Variants in HAVCR1 observed in about 807,000 individuals in gnomAD.
HAVCR1 encodes T cell immunoglobin domain and mucin domain protein 1.
In HAVCR1, 34 loss-of-function variants were observed where a neutral mutation model predicts 32.0. That is an observed-to-expected ratio of 1.06 (90% CI 0.81 to 1.42). The LOEUF (loss-of-function observed/expected upper bound fraction) is 1.42, where lower values mean the gene tolerates loss of function less well. Ranked by LOEUF, HAVCR1 falls within the 40% of genes most tolerant of loss-of-function variation. The pLI, the probability that HAVCR1 is intolerant of heterozygous loss-of-function variation, is 0.00. For synonymous variants in HAVCR1, 178 were observed against 170.3 expected (o/e 1.05, Z -0.35); for missense variants, 420 against 442.3 (o/e 0.95, Z 0.45).
At chr5:157,044,489 AAGGAAGGAAGGAAGGAAGG>A (rs1755168630) in intron 5 of HAVCR1, among the ~76,000 whole-genome samples, 2 of 63,092 alleles carry the variant, frequency 3.2e-5, no homozygotes, top group African/African-American at 5.5e-5. Flanking sequence ...GGAAGGAAGG[AAGGAAGGAAGGAAGGAAGG>A]AGGAAGGAAG....
chr5:157,063,774 G>T (rs1162415038), upstream of HAVCR1, among the ~76,000 whole-genome samples: 1 of 152,212 alleles, frequency 6.6e-6, no homozygotes. Context: ...AAACAAGGTG[G>T]TCAGGTTTGA....
chr5:157,042,302 C>T (rs1390964716), intron 6 of HAVCR1, among the ~76,000 whole-genome samples: 1 of 151,716 alleles, frequency 6.6e-6, no homozygotes, highest in East Asian at 2.0e-4. Context: ...ATTAGCCGGG[C>T]ATGGTGGCGG....
chr5:157,051,604 C>T (rs1581717107), intron 4 of HAVCR1, among the ~76,000 whole-genome samples: 1 of 152,114 alleles, frequency 6.6e-6, no homozygotes, highest in Non-Finnish European at 1.5e-5. Context: ...AATCATGGCT[C>T]ACTGTAGACT....
At chr5:157,039,026 G>A (rs904353164) in intron 6 of HAVCR1, among the ~76,000 whole-genome samples, 2 of 152,118 alleles carry the variant, frequency 1.3e-5, no homozygotes, top group African/African-American at 4.8e-5. Flanking sequence ...GGCTTGGGGT[G>A]GGAGGATCAC....
intron 8 of HAVCR1, among the ~76,000 whole-genome samples, chr5:157,032,095 C>T (rs1754209601): frequency 6.6e-6 from 1 of 151,960 alleles, no homozygotes; most frequent in African/African-American, 2.4e-5. Context: ...TATCTGTAAG[C>T]ATGTAAAAGA....
At chr5:157,042,367 G>A (rs12520651) in intron 6 of HAVCR1, among the ~76,000 whole-genome samples, 9,066 of 150,418 alleles carry the variant, frequency 0.06, 694 homozygotes, top group African/African-American at 0.18. Flanking sequence ...GCCTGAACCC[G>A]GGAAGCGGAG....
At chr5:157,049,448 T>C (rs1040298346) in intron 4 of HAVCR1, among the ~76,000 whole-genome samples, 2 of 152,222 alleles carry the variant, frequency 1.3e-5, no homozygotes, top group Non-Finnish European at 2.9e-5. Context: ...TCTCAAACTT[T>C]CTATACTCCC....
Position 157,037,361 on chromosome 5 carries a change from G to GAGTTTGATTGTTATTCCAAAGGCCAT in HAVCR1, c.838-1_838insATGGCCTTTGGAATAACAATCAAACT (p.Gln280MetfsTer13). Reference sequence around the variant, plus strand: ...AGTAGACTATGTTCTAGGAACAGTTGCTGAGGAAACAACAACAGATCAAAA... The same window carrying GAGTTTGATTGTTATTCCAAAGGCCAT: ...AGTAGACTATGTTCTAGGAACAGTTGAGTTTGATTGTTATTCCAAAGGCCATCTGAGGAAACAACAACAGATCAAAA... On this transcript the variant is annotated frameshift_variant and splice_region_variant. Transcript: ENST00000523175. LOFTEE classifies it high-confidence loss of function. 1 of 1,337,456 alleles carries GAGTTTGATTGTTATTCCAAAGGCCAT rather than the reference G, an allele frequency of 7.5e-7. No homozygotes were observed. Among genetic ancestry groups the GAGTTTGATTGTTATTCCAAAGGCCAT allele is most frequent in the Non-Finnish European group, 1.1e-6 (1 of 932,090 alleles). 82.8% of individuals were successfully genotyped at this position (1,337,456 alleles called of 1,614,324 possible). A position where few individuals can be genotyped will look rare whatever the true frequency, so the allele number is the denominator to read the frequency against.
chr5:157,031,437 G>C (rs1754165389), intron 8 of HAVCR1, among the ~76,000 whole-genome samples: 1 of 152,192 alleles, frequency 6.6e-6, no homozygotes, highest in South Asian at 2.1e-4. Flanking sequence ...AAATGAAGCA[G>C]GCTGGCTGGC....
At chr5:157,040,627 G>A (rs138726260) in intron 6 of HAVCR1, among the ~76,000 whole-genome samples, 14 of 152,244 alleles carry the variant, frequency 9.2e-5, no homozygotes, top group South Asian at 4.1e-4. Context: ...GGCCAGCTGC[G>A]GTGGCTCATG....
At chr5:157,040,014 C>T (rs1275241163) in intron 6 of HAVCR1, among the ~76,000 whole-genome samples, 2 of 152,086 alleles carry the variant, frequency 1.3e-5, no homozygotes, top group East Asian at 1.9e-4. Flanking sequence ...ATAACCTCAC[C>T]GGCCAGGCGC....
intron 7 of HAVCR1, among the ~76,000 whole-genome samples, chr5:157,035,734 T>C (rs192103438): frequency 3.3e-5 from 5 of 152,208 alleles, no homozygotes; most frequent in East Asian, 3.9e-4. Context: ...CTTGATACAG[T>C]TGGCCCTCGA....
intron 7 of HAVCR1, among the ~76,000 whole-genome samples, chr5:157,035,218 G>A (rs1440766399): frequency 1.3e-5 from 2 of 151,886 alleles, no homozygotes; most frequent in Admixed American, 1.3e-4. Context: ...ATTTCAGAGG[G>A]AAAGTTTGAA....
chr5:157,044,639 A>AAGAAAGAAAGAAAG, intron 5 of HAVCR1, among the ~76,000 whole-genome samples: 23 of 112,668 alleles, frequency 2.0e-4, no homozygotes, highest in Non-Finnish European at 3.4e-4. Flanking sequence ...GAAAGAAAGA[A>AAGAAAGAAAGAAAG]AGAAAGAAAG....
At chr5:157,064,773 C>G in the HAVCR1 span, among the ~76,000 whole-genome samples, 2 of 152,114 alleles carry the variant, frequency 1.3e-5, no homozygotes, top group Non-Finnish European at 2.9e-5. Flanking sequence ...GAGGCTGAGC[C>G]AGGAGAATTG....
At chr5:157,032,762 C>T (rs1561578283) in intron 8 of HAVCR1, 92 bp downstream of exon 8, 12 of 782,694 alleles carry the variant, frequency 1.5e-5, no homozygotes, top group East Asian at 9.9e-5. Context: ...CCAAGGTATG[C>T]GATGGAGAGT....
At chr5:157,040,187 A>G (rs1348437847) in intron 6 of HAVCR1, among the ~76,000 whole-genome samples, 1 of 146,250 alleles carries the variant, frequency 6.8e-6, no homozygotes, top group Non-Finnish European at 1.5e-5. Context: ...AATCCCAGCT[A>G]CTCGGGAGGC....
In HAVCR1 at chr5:157,055,465, T is replaced by G. The variant is rs1756071439; in HGVS notation, c.115A>C (p.Ser39Arg). The G allele has an allele frequency of 4.3e-6, 7 of 1,610,958 alleles. No individual in the cohort carries two copies. Among genetic ancestry groups the G allele is most frequent in the Non-Finnish European group, 5.9e-6 (7 of 1,177,374 alleles). Residue 39 changes from serine to arginine, a missense_variant, in exon 3 of 9, where the codon AGT becomes CGT. Physicochemically the swap from Ser to Arg is moderately radical, Grantham distance 110. Transcript: ENST00000523175. ...GPSVTLPCHY[S>R]GAVTSMCWNR... Reference sequence around the variant, plus strand: ...CAGCACATGGATGTGACAGCTCCACTGTAGTGGCAGGGTAGTGTGACAGAT... The same window carrying G: ...CAGCACATGGATGTGACAGCTCCACGGTAGTGGCAGGGTAGTGTGACAGAT...
At chr5:157,055,654 T>G in intron 2 of HAVCR1, 121 bp from the exon 3 acceptor site, 1 of 605,460 alleles carries the variant, frequency 1.7e-6, no homozygotes, top group Non-Finnish European at 2.9e-6. Context: ...TCAACCCAGG[T>G]CAGGAGTTCA....
Sources: gnomAD v4.1 joint callset for allele counts (sites outside exome capture counted in the v4.1 genomes callset) on GRCh38, gnomAD v4.1.1 for gene constraint, MANE v1.5 for transcripts, NCBI Gene and HGNC (gene_info 2026-07-23, HGNC 2026-07-21) for gene names.